TPST2: variants seen among roughly 807,000 people sequenced by gnomAD.
The protein encoded by TPST2 is protein-tyrosine sulfotransferase 2.
In TPST2, 16 loss-of-function variants were observed where a neutral mutation model predicts 27.8. That is an observed-to-expected ratio of 0.58 (90% CI 0.39 to 0.88). TPST2 has a LOEUF of 0.88. Ranked by LOEUF, TPST2 falls within the 40% of genes least tolerant of loss-of-function variation. The pLI is 0.00. For missense variants in TPST2, 464 were observed against 543.1 expected (o/e 0.85, Z 1.45); for synonymous variants, 229 against 231.7 (o/e 0.99, Z 0.10).
At chr22:26,555,349 T>C (rs754330349) in intron 1 of TPST2, 2 of 489,104 alleles carry the variant, frequency 4.1e-6, no homozygotes, top group East Asian at 5.8e-5. Flanking sequence ...AGGAATGCAA[T>C]CATCGTGGAG....
At chr22:26,575,862 G>A (rs964235717) in intron 1 of TPST2, among the ~76,000 whole-genome samples, 2 of 152,122 alleles carry the variant, frequency 1.3e-5, no homozygotes, top group Non-Finnish European at 2.9e-5. Context: ...CGGGCCTGGT[G>A]ATGTGTGCTT....
chr22:26,557,212 T>C (rs1926847324), intron 1 of TPST2, among the ~76,000 whole-genome samples: 1 of 152,174 alleles, frequency 6.6e-6, no homozygotes, highest in Admixed American at 6.5e-5. Flanking sequence ...ACTGTACACA[T>C]GGCCCTGAGG....
intron 1 of TPST2, among the ~76,000 whole-genome samples, chr22:26,580,449 A>T (rs528943572): frequency 1.3e-5 from 2 of 152,274 alleles, no homozygotes; most frequent in East Asian, 3.9e-4. Flanking sequence ...AGAGGTGACT[A>T]CTGGCCCAGC....
rs537417433 is a variant in TPST2 at position 26,536,032 on chromosome 22, A to G, written c.1041+256T>C. On this transcript the variant is annotated intron_variant, in intron 4 of 6. Coordinates refer to ENST00000338754, the MANE Select transcript of TPST2 (RefSeq NM_003595.5). ...AATAAAATTAGAGAAATAAGATGAA[A>G]TTAGTGTACAAGCTGGCCTGCTGTT... 7.9e-6 allele frequency: 5 copies of G among 633,280 alleles called. No homozygotes were observed. The Admixed American group carries it at 9.1e-5, about 12-fold the overall frequency. The allele number at this position is 633,280 out of a possible 1,614,324, so 39.2% of individuals were successfully genotyped here.
At chr22:26,587,774 T>C (rs1479698053) in intron 1 of TPST2, among the ~76,000 whole-genome samples, 1 of 152,036 alleles carries the variant, frequency 6.6e-6, no homozygotes, top group Non-Finnish European at 1.5e-5. Context: ...GTACAGCTGT[T>C]CTGGAAAAAT....
chr22:26,571,203 G>A (rs914382650), intron 1 of TPST2, among the ~76,000 whole-genome samples: 4 of 152,026 alleles, frequency 2.6e-5, no homozygotes, highest in African/African-American at 9.7e-5. Flanking sequence ...AGCCACGCTG[G>A]CCCCCTTGCT....
intron 4 of TPST2, chr22:26,535,855 C>A: frequency 2.9e-6 from 1 of 339,340 alleles, no homozygotes; most frequent in South Asian, 2.4e-5. Context: ...TTAAACAGCC[C>A]TAAACTCACA....
chr22:26,556,957 G>C (rs1036380895), intron 1 of TPST2, among the ~76,000 whole-genome samples: 3 of 152,270 alleles, frequency 2.0e-5, no homozygotes, highest in African/African-American at 7.2e-5. Flanking sequence ...AGCGGCTCAT[G>C]CCTGTGATCC....
chr22:26,586,967 G>A (rs374601787), intron 1 of TPST2, among the ~76,000 whole-genome samples: 10 of 152,164 alleles, frequency 6.6e-5, no homozygotes, highest in African/African-American at 2.2e-4. Flanking sequence ...CAGATGAAGC[G>A]TCTGTAACTC....
At chr22:26,534,486 G>A (rs1233158729) in intron 4 of TPST2, among the ~76,000 whole-genome samples, 2 of 152,190 alleles carry the variant, frequency 1.3e-5, no homozygotes, top group Non-Finnish European at 2.9e-5. Context: ...TTAACCACCA[G>A]TGCTCATGAA....
intron 1 of TPST2, among the ~76,000 whole-genome samples, chr22:26,549,314 C>T (rs1926315971): frequency 2.0e-5 from 3 of 152,142 alleles, no homozygotes; most frequent in Admixed American, 6.5e-5. Context: ...TTTCCAAATG[C>T]GGTTCTGCCT....
At chr22:26,552,543 C>CT (rs1926539204) in intron 1 of TPST2, among the ~76,000 whole-genome samples, 1 of 152,150 alleles carries the variant, frequency 6.6e-6, no homozygotes, top group Non-Finnish European at 1.5e-5. Flanking sequence ...TTTATCATCT[C>CT]TCTTGGGGGT....
rs978932423 is a variant in TPST2 at position 26,540,819 on chromosome 22, A to G, written c.812T>C (p.Ile271Thr). The G allele has an allele frequency of 6.2e-7, 1 of 1,606,154 alleles. No homozygotes were observed. ...SDAVLHHEDL[I>T]GKPGGVSLSK... The stretch of plus-strand genomic sequence containing the variant: ...CAGGGAGACACCACCGGGCTTGCCA[A>G]TGAGGTCTTCATGGTGGAGGACAGC... Residue 271 changes from isoleucine (I) to threonine (T), a missense_variant, in exon 3 of 7, where the codon ATT becomes ACT. Physicochemically the swap from Ile to Thr is moderately conservative, Grantham distance 89. Transcript: ENST00000338754.
chr22:26,582,432 G>GAAACAA (rs906934577), intron 1 of TPST2, among the ~76,000 whole-genome samples: 1 of 152,082 alleles, frequency 6.6e-6, no homozygotes, highest in African/African-American at 2.4e-5. Flanking sequence ...CATCTAAACA[G>GAAACAA]AAACAAAAAC....
At chr22:26,554,007 A>G (rs1392147525) in intron 1 of TPST2, among the ~76,000 whole-genome samples, 5 of 152,122 alleles carry the variant, frequency 3.3e-5, no homozygotes, top group Non-Finnish European at 7.4e-5. Context: ...GACAGCCAAC[A>G]ATATATTTTG....
intron 3 of TPST2, among the ~76,000 whole-genome samples, chr22:26,538,126 C>T (rs1925580018): frequency 1.3e-5 from 2 of 152,172 alleles, no homozygotes; most frequent in South Asian, 4.1e-4. Flanking sequence ...GGATCAAGGG[C>T]CTAGTTCTAA....
intron 6 of TPST2, among the ~76,000 whole-genome samples, chr22:26,527,500 G>A (rs533419253): frequency 6.6e-6 from 1 of 151,082 alleles, no homozygotes; most frequent in Non-Finnish European, 1.5e-5. Context: ...TAAACCTGGA[G>A]ATCTTAAATC....
intron 1 of TPST2, among the ~76,000 whole-genome samples, chr22:26,587,728 G>A (rs1928397955): frequency 6.6e-6 from 1 of 152,042 alleles, no homozygotes; most frequent in Non-Finnish European, 1.5e-5. Context: ...TAAGATTATT[G>A]GAACCCTCAT....
chr22:26,553,287 G>A (rs1926585620), intron 1 of TPST2, among the ~76,000 whole-genome samples: 1 of 151,674 alleles, frequency 6.6e-6, no homozygotes, highest in Non-Finnish European at 1.5e-5. Flanking sequence ...AAAAAGAAGT[G>A]CACACTCATG....
Sources: allele counts gnomAD v4.1 joint callset (sites outside exome capture counted in the v4.1 genomes callset), GRCh38; gene constraint gnomAD v4.1.1; transcripts MANE v1.5; gene names NCBI Gene and HGNC (gene_info 2026-07-23, HGNC 2026-07-21).